KLHDC1: variants seen among roughly 807,000 people sequenced by gnomAD.
The protein encoded by KLHDC1 is kelch domain containing 1, also known as kelch domain-containing protein 1.
In KLHDC1, 53 loss-of-function variants were observed where a neutral mutation model predicts 68.3. The ratio of observed to expected loss-of-function variants is 0.78; its 90% CI spans 0.62 to 0.98. The LOEUF (loss-of-function observed/expected upper bound fraction) is 0.98. Among genes scored for constraint, KLHDC1 ranks in the 50% least tolerant of loss-of-function variants. KLHDC1 has a pLI of 0.00. For missense variants in KLHDC1, 470 were observed against 492.3 expected (o/e 0.95, Z 0.43); for synonymous variants, 148 against 159.0 (o/e 0.93, Z 0.52).
chr14:49,702,447 A>T (rs1445173692), intron 1 of KLHDC1, among the ~76,000 whole-genome samples: 2 of 152,188 alleles, frequency 1.3e-5, no homozygotes, highest in Non-Finnish European at 2.9e-5. Context: ...TTTCTCTTTA[A>T]CCTAATAGTT....
chr14:49,747,161 A>G (rs1889220370), intron 12 of KLHDC1, among the ~76,000 whole-genome samples: 1 of 151,946 alleles, frequency 6.6e-6, no homozygotes, highest in Admixed American at 6.6e-5. Flanking sequence ...GTTAGCCAGG[A>G]TGGTCTCGAT....
intron 10 of KLHDC1, among the ~76,000 whole-genome samples, chr14:49,737,734 G>A (rs989458404): frequency 2.7e-5 from 4 of 150,916 alleles, no homozygotes; most frequent in Admixed American, 6.6e-5. Flanking sequence ...GTGTGGTGGC[G>A]TGTGCCTGTA....
chr14:49,729,153 C>G, intron 7 of KLHDC1, 144 bp downstream of exon 7: 1 of 632,750 alleles, frequency 1.6e-6, no homozygotes, highest in Non-Finnish European at 2.8e-6. Flanking sequence ...TCTTCTAATT[C>G]ATAAACAGAC....
At chr14:49,697,937 T>C (rs1887790318) in intron 1 of KLHDC1, among the ~76,000 whole-genome samples, 1 of 152,172 alleles carries the variant, frequency 6.6e-6, no homozygotes, top group Non-Finnish European at 1.5e-5. Context: ...CAGACGTGTA[T>C]AGGATTTCCA....
intron 1 of KLHDC1, among the ~76,000 whole-genome samples, chr14:49,696,938 CTT>C (rs763606965): frequency 1.2e-4 from 17 of 139,458 alleles, no homozygotes; most frequent in Non-Finnish European, 1.1e-4. Context: ...GGCCTACTTT[CTT>C]TTTTTTTTTT....
intron 10 of KLHDC1, among the ~76,000 whole-genome samples, chr14:49,736,025 A>T (rs1225320399): frequency 6.6e-6 from 1 of 152,218 alleles, no homozygotes; most frequent in Admixed American, 6.5e-5. Flanking sequence ...AAAAAAAGAA[A>T]GAAAGAAACT....
intron 4 of KLHDC1, 76 bp downstream of exon 4, chr14:49,710,457 T>C: frequency 1.3e-6 from 1 of 767,966 alleles, no homozygotes. Context: ...TACAGAATGC[T>C]TAAAGGTATG....
At chr14:49,711,254 C>T (rs375687044) in intron 4 of KLHDC1, among the ~76,000 whole-genome samples, 15 of 151,432 alleles carry the variant, frequency 9.9e-5, no homozygotes, top group African/African-American at 2.2e-4. Flanking sequence ...TAGGCTGGAG[C>T]GCAGTGGCGC....
At chr14:49,732,652 C>A in intron 8 of KLHDC1, 52 bp from the exon 9 acceptor site, 1 of 926,346 alleles carries the variant, frequency 1.1e-6, no homozygotes, top group South Asian at 1.7e-5. Flanking sequence ...GATTAAAAAC[C>A]TTTTATTTTG....
intron 12 of KLHDC1, among the ~76,000 whole-genome samples, chr14:49,747,216 G>A (rs1889222213): frequency 6.6e-6 from 1 of 152,134 alleles, no homozygotes; most frequent in Non-Finnish European, 1.5e-5. Context: ...CAAAGTGCTG[G>A]GATTACAGGC....
At chr14:49,725,383 A>T (rs1225689400) in intron 5 of KLHDC1, among the ~76,000 whole-genome samples, 1 of 152,310 alleles carries the variant, frequency 6.6e-6, no homozygotes, top group African/African-American at 2.4e-5. Flanking sequence ...TGTAAACATC[A>T]TTCCACCCTC....
At chr14:49,709,263 T>C in intron 2 of KLHDC1, 34 bp downstream of exon 2, 1 of 866,992 alleles carries the variant, frequency 1.2e-6, no homozygotes, top group Non-Finnish European at 1.9e-6. Context: ...TGTCTGATCT[T>C]AATATCTATT....
chr14:49,724,868 G>A (rs1162853089), intron 5 of KLHDC1, among the ~76,000 whole-genome samples: 1 of 149,046 alleles, frequency 6.7e-6, no homozygotes, highest in African/African-American at 2.5e-5. Context: ...TGAGCTGGGT[G>A]TGGTGGCACA....
At chr14:49,726,738 G>A (rs982015454) in intron 6 of KLHDC1, among the ~76,000 whole-genome samples, 3 of 152,322 alleles carry the variant, frequency 2.0e-5, no homozygotes, top group Non-Finnish European at 2.9e-5. Context: ...CAAAGTAGAA[G>A]GAAGAGCCAC....
Position 49,704,036 on chromosome 14 carries a change from T to TA in KLHDC1, c.97-5122dup, listed in dbSNP as rs1419276387. Reference sequence around the variant, plus strand: ...AAATTATTTGGAAATGTCAGACTGTTACCAAAATATTTGTATCAATTTACA... The same window carrying TA: ...AAATTATTTGGAAATGTCAGACTGTTAACCAAAATATTTGTATCAATTTACA... On this transcript the variant is annotated intron_variant, in intron 1 of 12. Transcript: ENST00000359332. Among the ~76,000 whole-genome samples, 4 of 152,350 alleles carry TA rather than the reference T, an allele frequency of 2.6e-5. No homozygotes were observed. The East Asian group carries it at 5.8e-4, about 22-fold the overall frequency.
intron 8 of KLHDC1, among the ~76,000 whole-genome samples, chr14:49,731,651 T>A (rs913144205): frequency 2.4e-4 from 36 of 151,928 alleles, no homozygotes; most frequent in African/African-American, 8.7e-4. Flanking sequence ...TATGTTTTTA[T>A]TTTTCATGCC....
In KLHDC1 at chr14:49,722,799, T is replaced by C. The variant is rs150678802; in HGVS notation, c.405-1075T>C. On this transcript the variant is annotated intron_variant, in intron 4 of 12. Coordinates refer to ENST00000359332, the MANE Select transcript of KLHDC1 (RefSeq NM_172193.3). Reference sequence around the variant, plus strand: ...AGGGAAGCTCCCCTTTTGAAAACCATCATATCAGCGGGTGCAGTGGCTCAC... The same window carrying C: ...AGGGAAGCTCCCCTTTTGAAAACCACCATATCAGCGGGTGCAGTGGCTCAC... Among the ~76,000 whole-genome samples, 789 of 150,642 alleles carry C rather than the reference T, an allele frequency of 5.2e-3. 6 individuals carry two copies. Among genetic ancestry groups the C allele is most frequent in the African/African-American group, 0.018 (753 of 41,054 alleles).
intron 9 of KLHDC1, among the ~76,000 whole-genome samples, chr14:49,733,563 G>A (rs909298713): frequency 6.6e-6 from 1 of 151,796 alleles, no homozygotes; most frequent in African/African-American, 2.4e-5. Context: ...GAGTAGCTGG[G>A]ATTACAGGTG....
chr14:49,715,983 ATAT>A (rs1253925441), intron 4 of KLHDC1, among the ~76,000 whole-genome samples: 4 of 152,052 alleles, frequency 2.6e-5, no homozygotes, highest in Non-Finnish European at 5.9e-5. Flanking sequence ...GTATTTCAAC[ATAT>A]TGTTGAATTT....
Sources: allele counts gnomAD v4.1 joint callset (sites outside exome capture counted in the v4.1 genomes callset), GRCh38; gene constraint gnomAD v4.1.1; transcripts MANE v1.5; gene names NCBI Gene and HGNC (gene_info 2026-07-23, HGNC 2026-07-21).